The following MCPH1 variants were observed in gnomAD, a reference collection of about 807,000 sequenced individuals.
MCPH1 encodes the protein microcephalin.
Under a neutral mutation model 84.5 loss-of-function variants are expected in MCPH1, and 104 were observed. The observed-to-expected ratio is 1.23, with a 90% CI of 1.05 to 1.45. MCPH1 has a LOEUF of 1.45. MCPH1 is among the 40% of genes most tolerant of loss of function. The pLI is 0.00. For missense variants in MCPH1, 1,498 were observed against 1,005.7 expected, an observed-to-expected ratio of 1.49 and a Z score of -6.62; for synonymous variants, 514 against 366.8, an observed-to-expected ratio of 1.40 and a Z score of -4.58.
chr8:6,427,933 C>A (rs1027544221), intron 3 of MCPH1, among the ~76,000 whole-genome samples: 2 of 151,900 alleles, frequency 1.3e-5, no homozygotes, highest in Non-Finnish European at 2.9e-5. Flanking sequence ...GCTGGAATTA[C>A]AGGCACGCAC....
intron 12 of MCPH1, chr8:6,615,878 G>C (rs1332966849): frequency 6.6e-6 from 1 of 152,190 alleles, no homozygotes; most frequent in Non-Finnish European, 1.5e-5. Context: ...GAGAACCCCT[G>C]AGTGCTGGGC....
chr8:6,533,456 C>T (rs920719190), intron 12 of MCPH1, among the ~76,000 whole-genome samples: 1 of 151,988 alleles, frequency 6.6e-6, no homozygotes, highest in African/African-American at 2.4e-5. Flanking sequence ...CCCTAGTTTC[C>T]TCATATGTAA....
intron 12 of MCPH1, among the ~76,000 whole-genome samples, chr8:6,505,739 ATTC>A (rs1189556782): frequency 3.0e-5 from 4 of 134,398 alleles, no homozygotes; most frequent in East Asian, 2.1e-4. Flanking sequence ...TTCTATATAT[ATTC>A]TTTATATATA....
intron 12 of MCPH1, among the ~76,000 whole-genome samples, chr8:6,510,344 G>C (rs1814792064): frequency 1.3e-5 from 2 of 152,158 alleles, no homozygotes; most frequent in Admixed American, 1.3e-4. Context: ...AGCCTACAAA[G>C]CAAATCCTGC....
At chr8:6,520,709 T>C (rs375232482) in intron 12 of MCPH1, among the ~76,000 whole-genome samples, 2 of 152,114 alleles carry the variant, frequency 1.3e-5, no homozygotes, top group Non-Finnish European at 2.9e-5. Flanking sequence ...CCCTCCAATA[T>C]ATAAGAGACG....
rs138503105 is a variant in MCPH1, at chr8:6,433,259, C to T, written c.321+1673C>T. Among the ~76,000 whole-genome samples, 76 of 152,288 alleles carry T rather than the reference C, an allele frequency of 5.0e-4. 1 individual carries two copies. Among genetic ancestry groups the T allele is most frequent in the African/African-American group, 1.8e-3 (74 of 41,566 alleles). ...CATATTTGAGTTTATTTCTCCAAGT[C>T]AGATATCTAGAGATAAAATTACTGG... On this transcript the variant is annotated intron_variant, in intron 4 of 13. Coordinates refer to ENST00000344683, the MANE Select transcript of MCPH1 (RefSeq NM_024596.5).
chr8:6,577,230 G>C (rs1199870326), intron 12 of MCPH1, among the ~76,000 whole-genome samples: 1 of 152,182 alleles, frequency 6.6e-6, no homozygotes, highest in African/African-American at 2.4e-5. Flanking sequence ...GGGCCTCCCT[G>C]CGTGGGGCTT....
intron 11 of MCPH1, among the ~76,000 whole-genome samples, chr8:6,485,762 A>G (rs1485064128): frequency 6.6e-6 from 1 of 152,182 alleles, no homozygotes; most frequent in Admixed American, 6.5e-5. Context: ...TTACAAGGTA[A>G]CCATGATGGC....
chr8:6,453,148 A>G (rs1325787346), intron 8 of MCPH1, among the ~76,000 whole-genome samples: 1 of 152,240 alleles, frequency 6.6e-6, no homozygotes, highest in Non-Finnish European at 1.5e-5. Context: ...TGGGAGAGTC[A>G]GGAAGAGGAG....
At chr8:6,455,675 T>A (rs374920371) in intron 9 of MCPH1, among the ~76,000 whole-genome samples, 21 of 152,204 alleles carry the variant, frequency 1.4e-4, no homozygotes, top group Admixed American at 2.6e-4. Flanking sequence ...AACACTCAGG[T>A]ACACCCTTCC....
At chr8:6,446,864 GT>G (rs1354047426) in intron 8 of MCPH1, 1 of 985,084 alleles carries the variant, frequency 1.0e-6, no homozygotes, top group Non-Finnish European at 1.2e-6. Context: ...GGTGTGTTAT[GT>G]TCTAGAACAC....
chr8:6,422,803 C>G (rs896635728), intron 3 of MCPH1, among the ~76,000 whole-genome samples: 3 of 152,160 alleles, frequency 2.0e-5, no homozygotes, highest in Non-Finnish European at 2.9e-5. Flanking sequence ...ATTCTCCTGC[C>G]TCAGCCTCCC....
At chr8:6,436,004 A>G (rs747346870) in intron 4 of MCPH1, 44 bp from the exon 5 acceptor site, 1 of 1,608,222 alleles carries the variant, frequency 6.2e-7, no homozygotes, top group Non-Finnish European at 8.5e-7. Context: ...TCCTGCCTTA[A>G]GCAGTTGCAG....
rs117059261 is a variant in MCPH1 at position 6,621,638 on chromosome 8, A to G, written c.2399A>G (p.Tyr800Cys). Residue 800 changes from tyrosine (Y) to cysteine (C), a missense_variant, in exon 13 of 14, where the codon TAC (tyrosine) becomes TGC (cysteine). Tyr to Cys is a radical substitution (Grantham distance 194, BLOSUM62 -2). Transcript: ENST00000344683. Reference protein sequence around the residue: ...PRQASIVIGPYSGKKKATVKY... With the variant: ...PRQASIVIGPCSGKKKATVKY... The stretch of plus-strand genomic sequence containing the variant: ...CAGGCCAGCATCGTCATCGGGCCCT[A>G]CAGCGGAAAGAAGAAAGCCACAGTC... The G allele has an allele frequency of 5.5e-5, 88 of 1,614,228 alleles. 1 individual carries two copies. Among genetic ancestry groups the G allele is most frequent in the East Asian group, 2.7e-4 (12 of 44,884 alleles).
chr8:6,610,707 C>A (rs907261867), intron 12 of MCPH1, among the ~76,000 whole-genome samples: 1 of 152,136 alleles, frequency 6.6e-6, no homozygotes, highest in Non-Finnish European at 1.5e-5. Context: ...ATTTTCAAGT[C>A]TGTTATCTTT....
rs188840902 is a variant in MCPH1 at position 6,626,970 on chromosome 8, C to G, written c.2452+5279C>G. 266 of 981,642 alleles carry G rather than the reference C, an allele frequency of 2.7e-4. 1 individual carries two copies. The African/African-American group carries it at 4.4e-3, about 16-fold the overall frequency. 60.8% of individuals were successfully genotyped at this position (981,642 alleles called of 1,614,324 possible). A position where few individuals can be genotyped will look rare whatever the true frequency, so the allele number is the denominator to read the frequency against. On this transcript the variant is annotated intron_variant, in intron 13 of 13. Coordinates refer to ENST00000344683, the MANE Select transcript of MCPH1 (RefSeq NM_024596.5). Reference sequence around the variant, plus strand: ...TATTGTGGGAACATAATGTAATATTCTCAACAGCATTGCCAAAAAAAAAAA... The same window carrying G: ...TATTGTGGGAACATAATGTAATATTGTCAACAGCATTGCCAAAAAAAAAAA...
chr8:6,480,788 C>T lies in MCPH1; in HGVS notation c.2048C>T (p.Thr683Met), dbSNP rs758318947. The change falls in exon 11 of 14, where the codon ACG (threonine) becomes ATG (methionine). Residue 683 changes from threonine to methionine, a missense_variant. Transcript: ENST00000344683. ...FSIAPDVCET[T>M]THVLSGKPLR... ...ATTGCACCAGACGTCTGTGAGACCA[C>T]GACTCACGTGCTTTCCGGGAAGCCA... The T allele has an allele frequency of 1.4e-5, 22 of 1,614,016 alleles. No individual in the cohort carries two copies. Among genetic ancestry groups the T allele is most frequent in the Middle Eastern group, 1.6e-4 (1 of 6,084 alleles).
chr8:6,532,540 G>C (rs1251450770), intron 12 of MCPH1: 2 of 1,356,744 alleles, frequency 1.5e-6, no homozygotes, highest in East Asian at 2.7e-5. Context: ...CCGGAAACCT[G>C]ATTCCTAAAT....
intron 12 of MCPH1, among the ~76,000 whole-genome samples, chr8:6,609,828 C>CCCCAA (rs1475345162): frequency 9.2e-6 from 1 of 108,742 alleles, no homozygotes; most frequent in Non-Finnish European, 2.2e-5. Context: ...CGCCCCCCCC[C>CCCCAA]CACACACAGA....
Sources: allele counts gnomAD v4.1 joint callset (sites outside exome capture counted in the v4.1 genomes callset), GRCh38; gene constraint gnomAD v4.1.1; transcripts MANE v1.5; gene names NCBI Gene and HGNC (gene_info 2026-07-23, HGNC 2026-07-21).